The following FSD1L variants were observed in gnomAD, a reference collection of about 807,000 sequenced individuals.
The protein encoded by FSD1L is FSD1-like protein.
A neutral mutation model predicts 71.6 loss-of-function variants in FSD1L; 45 were observed. The ratio of observed to expected loss-of-function variants is 0.63; its 90% CI spans 0.49 to 0.81. The LOEUF (loss-of-function observed/expected upper bound fraction) is 0.81. FSD1L is among the 30% of genes least tolerant of loss of function. FSD1L has a pLI of 0.00. For synonymous variants in FSD1L, 197 were observed against 207.2 expected (o/e 0.95, Z 0.42); for missense variants, 561 against 618.1 (o/e 0.91, Z 0.98).
intron 10 of FSD1L, chr9:105,524,127 G>A (rs1835355275): frequency 6.2e-7 from 1 of 1,612,116 alleles, no homozygotes; most frequent in South Asian, 1.1e-5. Context: ...TGCACGATGT[G>A]TAGCACTTTG....
Position 105,534,526 on chromosome 9 carries a change from A to G in FSD1L, c.1059A>G (p.Val353=), listed in dbSNP as rs957630306. 9 of 1,550,804 alleles carry G rather than the reference A, an allele frequency of 5.8e-6. No homozygotes were observed. The highest frequency in any genetic ancestry group is 1.4e-5 in the African/African-American group (1 of 73,142). The change falls in exon 11 of 14, where the codon GTA becomes GTG. Residue 353 remains valine, a synonymous_variant. Transcript: ENST00000481272. ...CACCATCCCCAAAACGAACATCTGT[A>G]GGCTCCAGGCCACCAGCAGTAAGAG... ...SGTPSPKRTS[V]GSRPPAVRGS...
chr9:105,451,442 C>G (rs1829999769), intron 1 of FSD1L, among the ~76,000 whole-genome samples: 1 of 152,142 alleles, frequency 6.6e-6, no homozygotes, highest in African/African-American at 2.4e-5. Context: ...GGTGGCTAGT[C>G]AACAAATGGA....
chr9:105,492,215 G>A (rs936457880), intron 7 of FSD1L, among the ~76,000 whole-genome samples: 2 of 152,052 alleles, frequency 1.3e-5, no homozygotes, highest in African/African-American at 2.4e-5. Flanking sequence ...CTTCTTCCTG[G>A]TTTAGTCTTG....
At chr9:105,528,208 A>C (rs1365962441) in intron 10 of FSD1L, among the ~76,000 whole-genome samples, 1 of 152,254 alleles carries the variant, frequency 6.6e-6, no homozygotes, top group African/African-American at 2.4e-5. Flanking sequence ...GAAAATGGCC[A>C]TACTGCTCAA....
intron 10 of FSD1L, chr9:105,520,878 T>A (rs1159637698): frequency 1.9e-6 from 3 of 1,612,128 alleles, no homozygotes; most frequent in Non-Finnish European, 2.5e-6. Flanking sequence ...TCTCACAAGC[T>A]ATTTTCTTGA....
At chr9:105,530,613 C>T in intron 10 of FSD1L, 1 of 686,314 alleles carries the variant, frequency 1.5e-6, no homozygotes, top group Non-Finnish European at 2.6e-6. Flanking sequence ...CGTTCACTTT[C>T]TATTTGTTGC....
chr9:105,500,294 C>G (rs986623334), intron 7 of FSD1L, among the ~76,000 whole-genome samples: 16 of 152,196 alleles, frequency 1.1e-4, no homozygotes, highest in Non-Finnish European at 1.9e-4. Context: ...GGGCAGCATT[C>G]TGTAGCACCA....
At chr9:105,540,578 T>C (rs775364691) in intron 13 of FSD1L, among the ~76,000 whole-genome samples, 4 of 152,120 alleles carry the variant, frequency 2.6e-5, no homozygotes, top group Non-Finnish European at 5.9e-5. Context: ...CAATGTAGAA[T>C]TGATGTGTTT....
At chr9:105,453,041 GTTGTTTTT>G (rs1306175918) in intron 1 of FSD1L, among the ~76,000 whole-genome samples, 51 of 110,608 alleles carry the variant, frequency 4.6e-4, no homozygotes, top group South Asian at 3.3e-3. Flanking sequence ...CTGACCTAAA[GTTGTTTTT>G]TTTTTTTTTT....
At chr9:105,510,905 C>T (rs748670800) in intron 9 of FSD1L, among the ~76,000 whole-genome samples, 2 of 151,786 alleles carry the variant, frequency 1.3e-5, no homozygotes, top group Non-Finnish European at 2.9e-5. Context: ...TTTGTTTTCA[C>T]AGACTATTAA....
chr9:105,507,819 C>T (rs1834140884), intron 8 of FSD1L, among the ~76,000 whole-genome samples: 1 of 151,428 alleles, frequency 6.6e-6, no homozygotes, highest in East Asian at 1.9e-4. Context: ...AGTTGATAAA[C>T]TATATGTGTT....
chr9:105,452,851 C>A (rs1313835530), intron 1 of FSD1L, among the ~76,000 whole-genome samples: 1 of 152,004 alleles, frequency 6.6e-6, no homozygotes, highest in Non-Finnish European at 1.5e-5. Context: ...CCTCCCAGCT[C>A]AGCCTCCTGA....
At position 105,521,415 on chromosome 9, in the gene FSD1L, G is replaced by A. The variant is rs993619523; in HGVS notation, c.1025+8479G>A. The A allele has an allele frequency of 5.6e-6, 9 of 1,614,026 alleles. No individual in the cohort carries two copies. In the African/African-American group the frequency reaches 1.2e-4, roughly 22 times the overall value. On this transcript the variant is annotated intron_variant, in intron 10 of 13. Coordinates refer to ENST00000481272, the MANE Select transcript of FSD1L (RefSeq NM_001145313.3). ...CTCATCTAGTCTCTGTAGTATTGATGAAGAACATCTCACAGACATTGAAAT... is the reference window on the plus strand; with the variant it reads ...CTCATCTAGTCTCTGTAGTATTGATAAAGAACATCTCACAGACATTGAAAT...
intron 7 of FSD1L, among the ~76,000 whole-genome samples, chr9:105,503,977 T>G (rs1006086927): frequency 1.3e-5 from 2 of 152,246 alleles, no homozygotes; most frequent in Non-Finnish European, 2.9e-5. Context: ...CAGTGCAGTC[T>G]TACTAGAATG....
intron 10 of FSD1L, among the ~76,000 whole-genome samples, chr9:105,530,340 T>TATA (rs1292871721): frequency 6.6e-6 from 1 of 151,978 alleles, no homozygotes; most frequent in African/African-American, 2.4e-5. Flanking sequence ...ACATAAAACT[T>TATA]ATTATAAGTT....
At position 105,535,227 on chromosome 9, in the gene FSD1L, A is replaced by G; in HGVS notation, c.1287A>G (p.Gln429=). Residue 429 remains glutamine, a synonymous_variant, in exon 12 of 14, where the codon CAA becomes CAG. Transcript: ENST00000481272. Reference sequence around the variant, plus strand: ...GTATCCATGTCAACAACTGGCTACAAAACACATTTGCAGCAAAGCATAATA... The same window carrying G: ...GTATCCATGTCAACAACTGGCTACAGAACACATTTGCAGCAAAGCATAATA... ...SWCIHVNNWL[Q]NTFAAKHNNK... is the part of the protein sequence containing the mutation. 3 of 1,551,990 alleles carry G rather than the reference A, an allele frequency of 1.9e-6. No individual in the cohort carries two copies. The highest frequency in any genetic ancestry group is 2.6e-6 in the Non-Finnish European group (3 of 1,147,032).
At chr9:105,532,049 C>G (rs545555021) in intron 10 of FSD1L, among the ~76,000 whole-genome samples, 3 of 152,162 alleles carry the variant, frequency 2.0e-5, no homozygotes, top group Admixed American at 6.5e-5. Flanking sequence ...GGAGGAAGCC[C>G]TAAATCTGGC....
At chr9:105,466,768 A>C (rs1428632472) in intron 3 of FSD1L, among the ~76,000 whole-genome samples, 1 of 152,194 alleles carries the variant, frequency 6.6e-6, no homozygotes, top group African/African-American at 2.4e-5. Flanking sequence ...CTTTCTTTAG[A>C]TAAGCATAAA....
chr9:105,512,529 T>C (rs1335817965), intron 9 of FSD1L, among the ~76,000 whole-genome samples: 1 of 152,126 alleles, frequency 6.6e-6, no homozygotes, highest in Non-Finnish European at 1.5e-5. Context: ...ATTGAGATTT[T>C]AGTAGAATGA....
Sources: allele counts gnomAD v4.1 joint callset (sites outside exome capture counted in the v4.1 genomes callset), GRCh38; gene constraint gnomAD v4.1.1; transcripts MANE v1.5; gene names NCBI Gene and HGNC (gene_info 2026-07-23, HGNC 2026-07-21).